The following TOR1A variants were observed in gnomAD, a reference collection of about 807,000 sequenced individuals.
TOR1A encodes the protein torsin-1A.
In TOR1A, 18 loss-of-function variants were observed where a neutral mutation model predicts 31.4. That is an observed-to-expected ratio of 0.57 (90% CI 0.40 to 0.85). TOR1A has a LOEUF of 0.85. Ranked by LOEUF, TOR1A falls within the 40% of genes least tolerant of loss-of-function variation. TOR1A has a pLI of 0.00. For missense variants in TOR1A, 375 were observed against 416.4 expected (o/e 0.90, Z 0.87); for synonymous variants, 168 against 165.9 (o/e 1.01, Z -0.10).
At chr9:129,823,199 G>C (rs1225830164) in intron 1 of TOR1A, 2 of 384,274 alleles carry the variant, frequency 5.2e-6, no homozygotes, top group East Asian at 6.3e-5. Flanking sequence ...CTGCGGAAGA[G>C]TCCTCACCAT....
At chr9:129,823,223 C>T (rs1301062732) in intron 1 of TOR1A, 3 of 355,482 alleles carry the variant, frequency 8.4e-6, no homozygotes, top group African/African-American at 2.1e-5. Context: ...TCCTGTCTCC[C>T]GCTAGGCTAG....
At chr9:129,818,470 G>A (rs778354249) in intron 4 of TOR1A, 50 bp downstream of exon 4, 1 of 1,611,692 alleles carries the variant, frequency 6.2e-7, no homozygotes, top group South Asian at 1.1e-5. Context: ...TAACACTTAG[G>A]GTGCAGGATT....
chr9:129,813,556 A>AC lies in TOR1A; in HGVS notation c.*415_*416insG, dbSNP rs60745320. 4.2e-3 allele frequency: 1,264 copies of AC among 300,522 alleles called. 14 individuals carry two copies. The highest frequency in any genetic ancestry group is 0.026 in the African/African-American group (1,161 of 45,056). The allele number at this position is 300,522 out of a possible 1,614,324, so 18.6% of individuals were successfully genotyped here. Reference sequence around the variant, plus strand: ...TAATAATGATGAGAACTTAAAAAAAAACACACACACAAGGCCAACAACTTA... The same window carrying AC: ...TAATAATGATGAGAACTTAAAAAAAACACACACACACAAGGCCAACAACTTA... On this transcript the variant is annotated 3_prime_UTR_variant, in exon 5 of 5. Coordinates refer to ENST00000351698, the MANE Select transcript of TOR1A (RefSeq NM_000113.3).
intron 2 of TOR1A, among the ~76,000 whole-genome samples, chr9:129,819,689 C>T (rs2031133102): frequency 6.6e-6 from 1 of 151,300 alleles, no homozygotes; most frequent in East Asian, 1.9e-4. Flanking sequence ...ACCTGGGAGG[C>T]GGAGGTTGCG....
intron 4 of TOR1A, among the ~76,000 whole-genome samples, chr9:129,817,027 G>A (rs1231250512): frequency 6.6e-6 from 1 of 152,188 alleles, no homozygotes; most frequent in Admixed American, 6.5e-5. Context: ...GCCTCCATCA[G>A]GCTGGCTTTC....
chr9:129,818,867 G>C lies in TOR1A; in HGVS notation c.498C>G (p.Ile166Met). 6 of 1,613,920 alleles carry C rather than the reference G, an allele frequency of 3.7e-6. No individual in the cohort carries two copies. The highest frequency in any genetic ancestry group is 4.2e-6 in the Non-Finnish European group (5 of 1,180,014). The change falls in exon 3 of 5, where the codon ATC (isoleucine) becomes ATG (methionine). Residue 166 changes from isoleucine (I) to methionine (M), a missense_variant. By Grantham distance (10) the Ile-to-Met change is conservative (BLOSUM62 1). Transcript: ENST00000351698. ...TCTTATCCATTTCATCAAATATGAA[G>C]ATGGACCTCGCACAGGCACTCACGT... Reference protein sequence around the residue: ...RGNVSACARSIFIFDEMDKMH... With the variant: ...RGNVSACARSMFIFDEMDKMH...
At chr9:129,814,897 T>C (rs1354439402) in intron 4 of TOR1A, among the ~76,000 whole-genome samples, 1 of 152,136 alleles carries the variant, frequency 6.6e-6, no homozygotes, top group African/African-American at 2.4e-5. Flanking sequence ...CTGCAGAGCA[T>C]GTGGGCACCA....
chr9:129,814,724 A>T (rs2030990834), intron 4 of TOR1A, among the ~76,000 whole-genome samples: 1 of 151,616 alleles, frequency 6.6e-6, no homozygotes, highest in Non-Finnish European at 1.5e-5. Flanking sequence ...AGAGAGGCAG[A>T]GTGGGGAAGG....
Position 129,818,645 on chromosome 9 carries a change from T to C in TOR1A, c.623A>G (p.Asn208Ser). Residue 208 changes from asparagine (N) to serine (S), a missense_variant and splice_region_variant, in exon 4 of 5, where the codon AAT becomes AGT. Coordinates refer to ENST00000351698, the MANE Select transcript of TOR1A (RefSeq NM_000113.3). ...ATCTGTGATCCTTTCTGCTCCAGCA[T>C]TGCTGCAAAACAATCCCAGTGGGTA... The part of the protein sequence containing the change: ...YQKAMFIFLS[N>S]AGAERITDVA... 6.2e-7 allele frequency: 1 copy of C among 1,614,228 alleles called. No homozygotes were observed. Among genetic ancestry groups the C allele is most frequent in the Non-Finnish European group, 8.5e-7 (1 of 1,180,042 alleles).
At chr9:129,817,025 C>A (rs755672881) in intron 4 of TOR1A, among the ~76,000 whole-genome samples, 34 of 152,218 alleles carry the variant, frequency 2.2e-4, no homozygotes, top group Non-Finnish European at 3.1e-4. Flanking sequence ...CAGCCTCCAT[C>A]AGGCTGGCTT....
At chr9:129,821,440 A>G (rs966085944) in intron 2 of TOR1A, 1 of 152,264 alleles carries the variant, frequency 6.6e-6, no homozygotes. Context: ...CTTGACAGAC[A>G]GAGCTCCCTG....
rs1169498527 is a variant in TOR1A at position 129,815,055 on chromosome 9, AC to A, written c.749-834del. On this transcript the variant is annotated intron_variant, in intron 4 of 4. Coordinates refer to ENST00000351698, the MANE Select transcript of TOR1A (RefSeq NM_000113.3). ...GCTCCTGGAACTCCTGACCCAGGAC[AC>A]TTCCTCCCAGCCCCAGATGACACAG... is the stretch of plus-strand genomic sequence containing the variant. 3.3e-5 allele frequency among the ~76,000 whole-genome samples: 5 copies of A among 152,230 alleles called. No homozygotes were observed. The South Asian group carries it at 8.3e-4, about 25-fold the overall frequency.
chr9:129,817,969 A>G (rs551936695), intron 4 of TOR1A, among the ~76,000 whole-genome samples: 2 of 152,102 alleles, frequency 1.3e-5, no homozygotes, highest in African/African-American at 4.8e-5. Flanking sequence ...GTGAGCTGAG[A>G]TCACACCACT....
intron 2 of TOR1A, among the ~76,000 whole-genome samples, chr9:129,821,082 A>T (rs2031174123): frequency 6.6e-6 from 1 of 152,170 alleles, no homozygotes; most frequent in Admixed American, 6.5e-5. Flanking sequence ...CAGCTGGATG[A>T]CCTTGAGGTC....
chr9:129,823,849 C>G (rs2031253826), intron 1 of TOR1A, 59 bp downstream of exon 1: 5 of 1,533,334 alleles, frequency 3.3e-6, no homozygotes, highest in Non-Finnish European at 3.5e-6. Flanking sequence ...TAGTTCAGCC[C>G]TAGTGCCATC....
At chr9:129,823,250 A>C (rs867857605) in intron 1 of TOR1A, 52 of 336,496 alleles carry the variant, frequency 1.5e-4, no homozygotes, top group African/African-American at 9.6e-4. Context: ...GGCAGAACCC[A>C]CTTCGGAGGG....
Position 129,822,603 on chromosome 9 carries a change from G to C in TOR1A, c.422C>G (p.Ala141Gly). ...TGCCTTGTACAAGGTGATGTTTGAA[G>C]CATGTGGAAAGTGCAATGTGGCCAC... is the stretch of plus-strand genomic sequence containing the variant. Reference protein sequence around the residue: ...LFVATLHFPHASNITLYKDQL... With the variant: ...LFVATLHFPHGSNITLYKDQL... The change falls in exon 2 of 5, where the codon GCT (alanine) becomes GGT (glycine). Residue 141 changes from alanine to glycine, a missense_variant. Coordinates refer to ENST00000351698, the MANE Select transcript of TOR1A (RefSeq NM_000113.3). 6.2e-7 allele frequency: 1 copy of C among 1,614,228 alleles called. No homozygotes were observed. The highest frequency in any genetic ancestry group is 8.5e-7 in the Non-Finnish European group (1 of 1,180,040).
rs1239580210 is a variant in TOR1A at position 129,818,527 on chromosome 9, G to C, written c.741C>G (p.Asn247Lys). The change falls in exon 4 of 5, where the codon AAC becomes AAG. Residue 247 changes from asparagine (N) to lysine (K), a missense_variant. Transcript: ENST00000351698. ...EHALSVSVFNNKNSGFWHSSL... is the reference protein window; with the variant it reads ...EHALSVSVFNKKNSGFWHSSL... ...GTGGATGGCCCTACTCACTGTTCTT[G>C]TTATTGAAAACCGACACAGACAACG... 1 of 1,613,988 alleles carries C rather than the reference G, an allele frequency of 6.2e-7. No homozygotes were observed.
rs549781734 is a variant in TOR1A at position 129,818,551 on chromosome 9, C to T, written c.717G>A (p.Ala239=). The part of the protein sequence containing the change: ...EDIKLKDIEH[A]LSVSVFNNKN... ...TGTTATTGAAAACCGACACAGACAA[C>T]GCGTGTTCAATGTCTTTGAGCTTGA... Residue 239 remains alanine (A), a synonymous_variant, in exon 4 of 5, where the codon GCG becomes GCA. Transcript: ENST00000351698. The T allele has an allele frequency of 9.3e-6, 15 of 1,614,206 alleles. No homozygotes were observed. Among genetic ancestry groups the T allele is most frequent in the Admixed American group, 3.3e-5 (2 of 60,024 alleles).
Sources: gnomAD v4.1 joint callset for allele counts (sites outside exome capture counted in the v4.1 genomes callset) on GRCh38, gnomAD v4.1.1 for gene constraint, MANE v1.5 for transcripts, NCBI Gene and HGNC (gene_info 2026-07-23, HGNC 2026-07-21) for gene names.